The following SLC9C2 variants were observed in gnomAD, a reference collection of about 807,000 sequenced individuals.
SLC9C2 encodes the protein sodium/hydrogen exchanger 11.
SLC9C2 carries 75 observed loss-of-function variants against 140.2 expected under a neutral mutation model. That is an observed-to-expected ratio of 0.53 (90% confidence interval 0.44 to 0.65). The LOEUF is 0.65. Among genes scored for constraint, SLC9C2 ranks in the 30% least tolerant of loss-of-function variants. The pLI is 0.00. For synonymous variants in SLC9C2, 375 were observed against 420.9 expected (o/e 0.89, Z 1.34); for missense variants, 1,074 against 1,331.8 (o/e 0.81, Z 3.01).
At chr1:173,581,244 G>A (rs575736118) in intron 7 of SLC9C2, among the ~76,000 whole-genome samples, 4 of 152,228 alleles carry the variant, frequency 2.6e-5, no homozygotes, top group Middle Eastern at 3.4e-3. Flanking sequence ...CTTAGGGACC[G>A]GGCACCTCAG....
chr1:173,504,963 C>T (rs1659527144), intron 26 of SLC9C2, among the ~76,000 whole-genome samples: 1 of 152,158 alleles, frequency 6.6e-6, no homozygotes, highest in African/African-American at 2.4e-5. Context: ...TGGCTGCAGC[C>T]TACCAGGGCA....
intron 24 of SLC9C2, among the ~76,000 whole-genome samples, chr1:173,507,705 A>G (rs891060024): frequency 1.3e-5 from 2 of 152,210 alleles, no homozygotes; most frequent in Non-Finnish European, 2.9e-5. Context: ...TTGGACGCAG[A>G]CTTGCACACA....
chr1:173,557,606 TTTCGGG>T, intron 9 of SLC9C2, 98 bp from the exon 10 acceptor site: 1 of 1,199,190 alleles, frequency 8.3e-7, no homozygotes. Context: ...ATATAAAAAT[TTTCGGG>T]AAAGAAAAAA....
chr1:173,536,683 T>C (rs1268243302), intron 14 of SLC9C2, among the ~76,000 whole-genome samples: 1 of 152,148 alleles, frequency 6.6e-6, no homozygotes, highest in Non-Finnish European at 1.5e-5. Context: ...TCTAATTACA[T>C]GACAGTCCAA....
intron 7 of SLC9C2, among the ~76,000 whole-genome samples, chr1:173,578,926 T>C (rs190605013): frequency 4.2e-4 from 64 of 152,352 alleles, no homozygotes; most frequent in African/African-American, 1.4e-3. Flanking sequence ...GGTACTGGAA[T>C]GTAGGACTTC....
In SLC9C2 at chr1:173,581,287, T is replaced by C. The variant is rs566779426; in HGVS notation, c.802+560A>G. ...AGTAAACACTTAAATCTCCATTTCA[T>C]TGGACTAAACTAGCTGAAGGTCAGC... On this transcript the variant is annotated intron_variant, in intron 7 of 27. Transcript: ENST00000367714. Among the ~76,000 whole-genome samples the C allele has an allele frequency of 9.8e-5, 15 of 152,342 alleles. No homozygotes were observed. In the South Asian group the frequency reaches 1.7e-3, roughly 17 times the overall value.
intron 23 of SLC9C2, among the ~76,000 whole-genome samples, chr1:173,510,117 C>A (rs942892736): frequency 1.4e-4 from 22 of 152,138 alleles, no homozygotes; most frequent in African/African-American, 4.8e-4. Flanking sequence ...CTTTCAGATT[C>A]AAGTTACACG....
intron 27 of SLC9C2, among the ~76,000 whole-genome samples, chr1:173,502,143 T>C (rs1007086026): frequency 3.3e-5 from 5 of 151,870 alleles, no homozygotes; most frequent in Non-Finnish European, 7.4e-5. Flanking sequence ...CATGGTGGCA[T>C]GTGCCTGTAG....
At chr1:173,505,009 A>C (rs1275699003) in intron 26 of SLC9C2, among the ~76,000 whole-genome samples, 2 of 152,114 alleles carry the variant, frequency 1.3e-5, no homozygotes, top group Non-Finnish European at 2.9e-5. Flanking sequence ...CTCTCCCCTG[A>C]CTAGTGTATG....
intron 10 of SLC9C2, among the ~76,000 whole-genome samples, chr1:173,555,470 A>C (rs1663610029): frequency 6.6e-6 from 1 of 152,170 alleles, no homozygotes; most frequent in Admixed American, 6.5e-5. Context: ...GACTAATAAC[A>C]ACAATCACCT....
rs142468575 is a variant in SLC9C2 at position 173,567,451 on chromosome 1, T to C, written c.1046+5731A>G. On this transcript the variant is annotated intron_variant, in intron 9 of 27. Coordinates refer to ENST00000367714, the MANE Select transcript of SLC9C2 (RefSeq NM_178527.4). ...TCTTCTTACAGTTTTTGTCTTGAAA[T>C]GTATTTTGTCTGAAGTATAGCTACT... Among the ~76,000 whole-genome samples, 510 of 152,282 alleles carry C rather than the reference T, an allele frequency of 3.3e-3. 3 individuals are homozygous for C. The highest frequency in any genetic ancestry group is 0.011 in the African/African-American group (477 of 41,586).
At chr1:173,588,640 TTA>T (rs59750799) in intron 4 of SLC9C2, among the ~76,000 whole-genome samples, 3,803 of 152,302 alleles carry the variant, frequency 0.025, 163 homozygotes, top group African/African-American at 0.088. Context: ...TTTTTATTAT[TTA>T]TATGTTACTA....
chr1:173,589,379 G>A (rs537821793), intron 4 of SLC9C2, among the ~76,000 whole-genome samples: 3 of 152,000 alleles, frequency 2.0e-5, no homozygotes, highest in East Asian at 1.9e-4. Flanking sequence ...ACAAGAGAGC[G>A]AGACCTTGCC....
intron 9 of SLC9C2, among the ~76,000 whole-genome samples, chr1:173,559,453 A>AT (rs750996941): frequency 3.9e-5 from 6 of 152,050 alleles, no homozygotes; most frequent in Non-Finnish European, 5.9e-5. Flanking sequence ...TTCTTGGTCT[A>AT]TTTTTTTCAG....
rs1316305534 is a variant in SLC9C2 at position 173,601,689 on chromosome 1, G to A, written c.88C>T (p.His30Tyr). 1.2e-6 allele frequency: 2 copies of A among 1,614,052 alleles called. No homozygotes were observed. Among genetic ancestry groups the A allele is most frequent in the Admixed American group, 3.3e-5 (2 of 60,014 alleles). The change falls in exon 2 of 28, where the codon CAT becomes TAT. Residue 30 changes from histidine to tyrosine, a missense_variant. His to Tyr is a moderately conservative substitution (Grantham distance 83). Coordinates refer to ENST00000367714, the MANE Select transcript of SLC9C2 (RefSeq NM_178527.4). ...ATGAAGCATACAAGCGTTGTGAAAT[G>A]TTTCTCTTCAACAAGGTAGTCAGCT... The part of the protein sequence containing the change: ...QPADYLVEEK[H>Y]FTTLVCFIVV...
intron 9 of SLC9C2, among the ~76,000 whole-genome samples, chr1:173,567,453 TA>T (rs1277120493): frequency 6.6e-6 from 1 of 152,142 alleles, no homozygotes; most frequent in Non-Finnish European, 1.5e-5. Flanking sequence ...TCTTGAAATG[TA>T]TTTTGTCTGA....
At position 173,530,041 on chromosome 1, in the gene SLC9C2, A is replaced by G. The variant is rs2101981185; in HGVS notation, c.2177T>C (p.Ile726Thr). ...CTGCACATCTGCAATTCTTATCAGT[A>G]TTGGTACTATTATCTGGAATAATGA... is the stretch of plus-strand genomic sequence containing the variant. ...FLPLFKIIVP[I>T]LIRIADVQIK... Residue 726 changes from isoleucine to threonine, a missense_variant, in exon 18 of 28, where the codon ATA becomes ACA. Physicochemically the swap from Ile to Thr is moderately conservative, Grantham distance 89. Coordinates refer to ENST00000367714, the MANE Select transcript of SLC9C2 (RefSeq NM_178527.4). 3 of 1,602,040 alleles carry G rather than the reference A, an allele frequency of 1.9e-6. No homozygotes were observed. Among genetic ancestry groups the G allele is most frequent in the East Asian group, 4.5e-5 (2 of 44,818 alleles).
At position 173,535,815 on chromosome 1, in the gene SLC9C2, G is replaced by A. The variant is rs201861990; in HGVS notation, c.1775+15C>T. 5 of 1,484,016 alleles carry A rather than the reference G, an allele frequency of 3.4e-6. No individual in the cohort carries two copies. The African/African-American group carries it at 4.4e-5, about 13-fold the overall frequency. The allele number at this position is 1,484,016 out of a possible 1,614,324, so 91.9% of individuals were successfully genotyped here. On this transcript the variant is annotated intron_variant, in intron 15 of 27. Transcript: ENST00000367714. ...ATTTTCAAGTATGTTTCTATTAAAG[G>A]TTCACAATACTTACTCAGGTGGAAT...
intron 13 of SLC9C2, among the ~76,000 whole-genome samples, chr1:173,540,661 C>T (rs993054949): frequency 1.3e-5 from 2 of 152,192 alleles, no homozygotes; most frequent in African/African-American, 4.8e-5. Flanking sequence ...CCTCATGAAT[C>T]TGCTAAGAGG....
Sources: gnomAD v4.1 joint callset for allele counts (sites outside exome capture counted in the v4.1 genomes callset) on GRCh38, gnomAD v4.1.1 for gene constraint, MANE v1.5 for transcripts, NCBI Gene and HGNC (gene_info 2026-07-23, HGNC 2026-07-21) for gene names.